The following CAPN3 variants were observed in gnomAD, a reference collection of about 807,000 sequenced individuals.
CAPN3 encodes calpain-3.
Under a neutral mutation model 114.0 loss-of-function variants are expected in CAPN3, and 88 were observed. That is an observed-to-expected ratio of 0.77 (90% CI 0.65 to 0.92). The LOEUF (loss-of-function observed/expected upper bound fraction) is 0.92, where lower values mean the gene tolerates loss of function less well. CAPN3 is among the 40% of genes least tolerant of loss of function. The pLI is 0.00. For synonymous variants in CAPN3, 386 were observed against 382.9 expected, an observed-to-expected ratio of 1.01 and a Z score of -0.09; for missense variants, 1,028 against 1,069.0, an observed-to-expected ratio of 0.96 and a Z score of 0.53.
intron 19 of CAPN3, 116 bp downstream of exon 19, chr15:42,410,111 GA>G: frequency 1.1e-6 from 1 of 935,344 alleles, no homozygotes; most frequent in East Asian, 2.4e-5. Context: ...GAAACTTAAG[GA>G]GACCCTGATT....
intron 4 of CAPN3, 67 bp from the exon 5 acceptor site, chr15:42,388,861 C>T (rs2053474201): frequency 7.5e-7 from 1 of 1,327,168 alleles, no homozygotes; most frequent in Non-Finnish European, 1.1e-6. Context: ...GTTCTGGTGG[C>T]AGTGGTACCT....
rs1363737935 is a variant in CAPN3 at position 42,412,195 on chromosome 15, TCTA to T, written c.*425_*427del. 3 of 1,535,896 alleles carry T rather than the reference TCTA, an allele frequency of 2.0e-6. No homozygotes were observed. Among genetic ancestry groups the T allele is most frequent in the Non-Finnish European group, 2.6e-6 (3 of 1,146,800 alleles). On this transcript the variant is annotated 3_prime_UTR_variant, in exon 24 of 24. Transcript: ENST00000397163. ...GCCAGGAACCAAACCAGCACTGGGTTCTACTGCTGTGGGGTAAACTAACTCAGT... is the reference window on the plus strand; with the variant it reads ...GCCAGGAACCAAACCAGCACTGGGTTCTGCTGTGGGGTAAACTAACTCAGT...
At chr15:42,385,955 G>A in intron 2 of CAPN3, 1 of 725,568 alleles carries the variant, frequency 1.4e-6, no homozygotes, top group Non-Finnish European at 2.5e-6. Flanking sequence ...AGTCACAAGG[G>A]AGTAAGTTAC....
chr15:42,409,828 C>T lies in CAPN3; in HGVS notation c.2034C>T (p.Asn678=). The change falls in exon 18 of 24, where the codon AAC becomes AAT. Residue 678 remains asparagine, a synonymous_variant. Coordinates refer to ENST00000397163, the MANE Select transcript of CAPN3 (RefSeq NM_000070.3). The part of the protein sequence containing the change: ...ICADELKKVL[N]TVVNKHKDLK... ...CAGATGAGCTCAAGAAGGTCCTTAA[C>T]ACAGTCGTGAACAAACGTGAGTTGC... 1 of 1,574,092 alleles carries T rather than the reference C, an allele frequency of 6.4e-7. No homozygotes were observed. Among genetic ancestry groups the T allele is most frequent in the Non-Finnish European group, 8.6e-7 (1 of 1,159,518 alleles).
At chr15:42,392,058 G>A (rs1403989318) in intron 6 of CAPN3, among the ~76,000 whole-genome samples, 2 of 152,060 alleles carry the variant, frequency 1.3e-5, no homozygotes, top group Non-Finnish European at 2.9e-5. Flanking sequence ...CCAGCTACTC[G>A]GGAGGCTGAG....
At chr15:42,398,646 CACAT>C (rs1212322679) in intron 9 of CAPN3, among the ~76,000 whole-genome samples, 6 of 148,358 alleles carry the variant, frequency 4.0e-5, no homozygotes, top group Non-Finnish European at 8.9e-5. Flanking sequence ...TATATATACA[CACAT>C]ATATATACAC....
intron 10 of CAPN3, among the ~76,000 whole-genome samples, chr15:42,400,652 C>T (rs1463054998): frequency 6.6e-6 from 1 of 151,960 alleles, no homozygotes; most frequent in Non-Finnish European, 1.5e-5. Flanking sequence ...TGCCACTGCA[C>T]TCCTGCCTGG....
At chr15:42,371,182 T>A (rs192222036) in intron 1 of CAPN3, among the ~76,000 whole-genome samples, 27 of 152,150 alleles carry the variant, frequency 1.8e-4, no homozygotes, top group Admixed American at 1.3e-3. Context: ...CAGAGAATCA[T>A]GATAGTGTCA....
rs1283307013 is a variant in CAPN3 at position 42,411,811 on chromosome 15, C to G, written c.*38C>G. ...TCATCCAAAGCCATGCAGGATCACT[C>G]AGGATTTCAGTTTCACCCTCTATTT... On this transcript the variant is annotated 3_prime_UTR_variant, in exon 24 of 24. Coordinates refer to ENST00000397163, the MANE Select transcript of CAPN3 (RefSeq NM_000070.3). 1.9e-6 allele frequency: 3 copies of G among 1,613,464 alleles called. No individual in the cohort carries two copies. In the South Asian group the frequency reaches 3.3e-5, roughly 18 times the overall value.
At position 42,401,754 on chromosome 15, in the gene CAPN3, C is replaced by G; in HGVS notation, c.1468C>G (p.Arg490Gly). 1 of 1,613,988 alleles carries G rather than the reference C, an allele frequency of 6.2e-7. No homozygotes were observed. The highest frequency in any genetic ancestry group is 8.5e-7 in the Non-Finnish European group (1 of 1,179,974). Residue 490 changes from arginine to glycine, a missense_variant, in exon 11 of 24, where the codon CGG becomes GGG. Transcript: ENST00000397163. ...GGTGGCCCTGATGCAGAAGAACCGGCGGAAGGACCGGAAGCTAGGGGCCAG... is the reference window on the plus strand; with the variant it reads ...GGTGGCCCTGATGCAGAAGAACCGGGGGAAGGACCGGAAGCTAGGGGCCAG... ...FLVALMQKNR[R>G]KDRKLGASLF...
chr15:42,397,451 C>T (rs529702136), intron 9 of CAPN3, among the ~76,000 whole-genome samples: 1 of 152,202 alleles, frequency 6.6e-6, no homozygotes, highest in East Asian at 1.9e-4. Context: ...AACATCTTGG[C>T]TAACACGGTG....
At chr15:42,385,636 C>G (rs1255701131) in intron 2 of CAPN3, 9 of 515,716 alleles carry the variant, frequency 1.7e-5, no homozygotes, top group Non-Finnish European at 1.2e-5. Flanking sequence ...GAAAACGTCC[C>G]GAGCTCATTC....
chr15:42,378,071 AT>A (rs892048623), intron 1 of CAPN3, among the ~76,000 whole-genome samples: 5 of 152,228 alleles, frequency 3.3e-5, no homozygotes, highest in African/African-American at 1.2e-4. Flanking sequence ...AGACACCAAT[AT>A]TTAGTGAAAG....
At chr15:42,384,415 A>G in intron 1 of CAPN3, 68 bp from the exon 2 acceptor site, 1 of 1,190,332 alleles carries the variant, frequency 8.4e-7, no homozygotes, top group Non-Finnish European at 1.3e-6. Context: ...CGTCTCAAAA[A>G]AATACCTATC....
rs183754642 is a variant in CAPN3 at position 42,366,154 on chromosome 15, T to C, written c.309+6040T>C. Among the ~76,000 whole-genome samples the C allele has an allele frequency of 1.9e-3, 290 of 152,266 alleles. 1 individual carries two copies. Among genetic ancestry groups the C allele is most frequent in the African/African-American group, 6.6e-3 (273 of 41,542 alleles). On this transcript the variant is annotated intron_variant, in intron 1 of 23. Transcript: ENST00000397163. ...CAGAGATGTGAGAGAAATTCAGAAATGTGAGGGAAATTGTGAAATGTAAAA... is the reference window on the plus strand; with the variant it reads ...CAGAGATGTGAGAGAAATTCAGAAACGTGAGGGAAATTGTGAAATGTAAAA...
chr15:42,402,390 CCCT>C lies in CAPN3; in HGVS notation c.1536+261_1536+263del, dbSNP rs1301105787. ...TCACACACATGCCTTTGCACACTCA[CCCT>C]CCTCCACGCTTACAGCCACACACAC... On this transcript the variant is annotated intron_variant, in intron 12 of 23. Coordinates refer to ENST00000397163, the MANE Select transcript of CAPN3 (RefSeq NM_000070.3). 5.5e-6 allele frequency: 8 copies of C among 1,446,672 alleles called. No homozygotes were observed. In the African/African-American group the frequency reaches 7.1e-5, roughly 13 times the overall value. The allele number at this position is 1,446,672 out of a possible 1,614,324, so 89.6% of individuals were successfully genotyped here. A position where few individuals can be genotyped will look rare whatever the true frequency, so the allele number is the denominator to read the frequency against.
chr15:42,387,987 A>C, intron 4 of CAPN3, 101 bp downstream of exon 4: 39 of 1,384,542 alleles, frequency 2.8e-5, no homozygotes, highest in Non-Finnish European at 3.9e-5. Flanking sequence ...GTGCCTCTAT[A>C]CGTGCATATG....
intron 5 of CAPN3, 79 bp from the exon 6 acceptor site, chr15:42,389,874 C>G: frequency 2.1e-6 from 3 of 1,463,018 alleles, no homozygotes; most frequent in Non-Finnish European, 2.9e-6. Context: ...TCTTTCTCCT[C>G]TCTCCTTCCC....
chr15:42,360,211 G>A lies in CAPN3; in HGVS notation c.309+97G>A, dbSNP rs1439027175. On this transcript the variant is annotated intron_variant, in intron 1 of 23. Coordinates refer to ENST00000397163, the MANE Select transcript of CAPN3 (RefSeq NM_000070.3). ...GCTCAGCTGTGCACATGGGCACTGG[G>A]GGAAGGATCCTGGCAGCAGCTCTGC... is the stretch of plus-strand genomic sequence containing the variant. 3.0e-6 allele frequency: 4 copies of A among 1,317,344 alleles called. No homozygotes were observed. In the East Asian group the frequency reaches 6.9e-5, roughly 23 times the overall value. 81.6% of individuals were successfully genotyped at this position (1,317,344 alleles called of 1,614,324 possible).
Sources: allele counts gnomAD v4.1 joint callset (sites outside exome capture counted in the v4.1 genomes callset), GRCh38; gene constraint gnomAD v4.1.1; transcripts MANE v1.5; gene names NCBI Gene and HGNC (gene_info 2026-07-23, HGNC 2026-07-21).